The following PTCHD4 variants were observed in gnomAD, a reference collection of about 807,000 sequenced individuals.
PTCHD4 encodes patched domain containing 4.
A neutral mutation model predicts 58.1 loss-of-function variants in PTCHD4; 33 were observed. That is an observed-to-expected ratio of 0.57 (90% CI 0.43 to 0.76). The LOEUF (loss-of-function observed/expected upper bound fraction) is 0.76. Among genes scored for constraint, PTCHD4 ranks in the 30% least tolerant of loss-of-function variants. PTCHD4 has a pLI of 0.00. For missense variants in PTCHD4, 1,058 were observed against 1,027.1 expected, an observed-to-expected ratio of 1.03 and a Z score of -0.41; for synonymous variants, 478 against 409.6, an observed-to-expected ratio of 1.17 and a Z score of -2.02.
chr6:48,024,386 C>T (rs1763170600), intron 3 of PTCHD4, among the ~76,000 whole-genome samples: 1 of 152,104 alleles, frequency 6.6e-6, no homozygotes, highest in Non-Finnish European at 1.5e-5. Flanking sequence ...GTTCCACTCT[C>T]AACACGACCT....
At chr6:48,066,899 C>G (rs1764816763) in intron 3 of PTCHD4, among the ~76,000 whole-genome samples, 1 of 150,392 alleles carries the variant, frequency 6.6e-6, no homozygotes. Context: ...TTTTTTCTCT[C>G]AAAACTCCTG....
Position 47,879,488 on chromosome 6 carries a change from T to C in PTCHD4, c.1347A>G (p.Glu449=). Residue 449 remains glutamate, a synonymous_variant, in exon 5 of 5, where the codon GAA becomes GAG. Coordinates refer to ENST00000339488, the MANE Select transcript of PTCHD4 (RefSeq NM_001384253.1). ...QHHFIQHFLR[E]HYNEWITNIY... is the part of the protein sequence containing the mutation. ...TATTGGTAATCCATTCATTATAATG[T>C]TCACGGAGGAAGTGCTGAATGAAGT... 1 of 1,613,722 alleles carries C rather than the reference T, an allele frequency of 6.2e-7. No individual in the cohort carries two copies. Among genetic ancestry groups the C allele is most frequent in the Non-Finnish European group, 8.5e-7 (1 of 1,179,764 alleles).
Position 47,872,546 on chromosome 6 carries a change from C to T in PTCHD4, c.*5757G>A, listed in dbSNP as rs755016961. ...AATCACACACCATCAGTGGTGATTC[C>T]TACTCTGTTCCTAAAGTTTCTTTCT... On this transcript the variant is annotated 3_prime_UTR_variant, in exon 5 of 5. Coordinates refer to ENST00000339488, the MANE Select transcript of PTCHD4 (RefSeq NM_001384253.1). 1.5e-4 allele frequency among the ~76,000 whole-genome samples: 23 copies of T among 151,576 alleles called. No homozygotes were observed. The highest frequency in any genetic ancestry group is 3.0e-4 in the Non-Finnish European group (20 of 67,728).
intron 4 of PTCHD4, among the ~76,000 whole-genome samples, chr6:47,882,178 T>G (rs1234717418): frequency 1.3e-5 from 2 of 152,076 alleles, no homozygotes; most frequent in Non-Finnish European, 2.9e-5. Flanking sequence ...TCTTCAGAAA[T>G]GAGGACTCCT....
chr6:48,056,310 A>G (rs560220770), intron 3 of PTCHD4, among the ~76,000 whole-genome samples: 1 of 152,206 alleles, frequency 6.6e-6, no homozygotes, highest in Non-Finnish European at 1.5e-5. Flanking sequence ...CTATAGTACA[A>G]ATGTTAACAG....
rs775635685 is a variant in PTCHD4 at position 48,008,736 on chromosome 6, C to A, written c.796G>T (p.Val266Leu). The change falls in exon 4 of 5, where the codon GTG (valine) becomes TTG (leucine). Residue 266 changes from valine to leucine, a missense_variant. Physicochemically the swap from Val to Leu is conservative, Grantham distance 32. Transcript: ENST00000339488. ...ATGATGGAGATGCATACTGTGAGCA[C>A]CCCCAGGAGGCCCAGGAAGGGCTTA... ...RSKPFLGLLGVLTVCISIITA... is the reference protein window; with the variant it reads ...RSKPFLGLLGLLTVCISIITA... 6.4e-5 allele frequency: 103 copies of A among 1,613,748 alleles called. No individual in the cohort carries two copies. Among genetic ancestry groups the A allele is most frequent in the Non-Finnish European group, 7.7e-5 (91 of 1,179,874 alleles).
rs145285568 is a variant in PTCHD4, at chr6:48,100,625, C to G, written c.-970+10424G>C. Among the ~76,000 whole-genome samples the G allele has an allele frequency of 1.8e-3, 272 of 152,188 alleles. 1 individual carries two copies. Among genetic ancestry groups the G allele is most frequent in the African/African-American group, 6.0e-3 (249 of 41,546 alleles). Reference sequence around the variant, plus strand: ...AAGTAGGAGCTGCAAGAATAAGAAGCCTGAGAAAATGATGACAATAAAGAG... The same window carrying G: ...AAGTAGGAGCTGCAAGAATAAGAAGGCTGAGAAAATGATGACAATAAAGAG... On this transcript the variant is annotated intron_variant, in intron 1 of 4. Coordinates refer to ENST00000339488, the MANE Select transcript of PTCHD4 (RefSeq NM_001384253.1).
At chr6:47,887,183 A>G (rs553864737) in intron 4 of PTCHD4, among the ~76,000 whole-genome samples, 1 of 150,566 alleles carries the variant, frequency 6.6e-6, no homozygotes, top group South Asian at 2.1e-4. Context: ...TAGATTAACA[A>G]TAATAGGTAT....
intron 3 of PTCHD4, among the ~76,000 whole-genome samples, chr6:48,058,233 G>T (rs555572293): frequency 1.3e-5 from 2 of 152,354 alleles, no homozygotes; most frequent in East Asian, 3.9e-4. Flanking sequence ...TGCAGGGCTT[G>T]TTGGGCGCTA....
At chr6:47,941,553 C>T (rs1461328379) in intron 4 of PTCHD4, among the ~76,000 whole-genome samples, 2 of 151,896 alleles carry the variant, frequency 1.3e-5, no homozygotes, top group Non-Finnish European at 2.9e-5. Context: ...ATAGACCAGA[C>T]TATTAGGAGG....
intron 4 of PTCHD4, among the ~76,000 whole-genome samples, chr6:47,985,434 A>G (rs1054839662): frequency 2.0e-5 from 3 of 152,158 alleles, no homozygotes; most frequent in Non-Finnish European, 2.9e-5. Context: ...ATACATAGAC[A>G]GCAAGAAAGT....
At chr6:47,952,956 A>G (rs917597755) in intron 4 of PTCHD4, among the ~76,000 whole-genome samples, 1 of 152,120 alleles carries the variant, frequency 6.6e-6, no homozygotes, top group African/African-American at 2.4e-5. Context: ...TATATTTCAT[A>G]TACATACATG....
At chr6:48,035,009 A>G (rs925225187) in intron 3 of PTCHD4, among the ~76,000 whole-genome samples, 3 of 152,202 alleles carry the variant, frequency 2.0e-5, no homozygotes, top group African/African-American at 7.2e-5. Context: ...TAAGAGTTGA[A>G]CCATTTCATC....
chr6:47,978,640 A>G (rs1767778451), intron 4 of PTCHD4, among the ~76,000 whole-genome samples: 1 of 152,132 alleles, frequency 6.6e-6, no homozygotes, highest in South Asian at 2.1e-4. Flanking sequence ...AGCACTTTAC[A>G]TAAGTTTTCT....
At chr6:47,960,570 A>G (rs1477989011) in intron 4 of PTCHD4, among the ~76,000 whole-genome samples, 2 of 152,104 alleles carry the variant, frequency 1.3e-5, no homozygotes, top group Admixed American at 1.3e-4. Context: ...TTAATACTGA[A>G]TAAAGTAAGT....
At chr6:48,054,025 G>A (rs1034868816) in intron 3 of PTCHD4, among the ~76,000 whole-genome samples, 4 of 151,970 alleles carry the variant, frequency 2.6e-5, no homozygotes, top group Admixed American at 6.6e-5. Flanking sequence ...ATCTTTCTTC[G>A]GTTTCAGGTT....
intron 3 of PTCHD4, among the ~76,000 whole-genome samples, chr6:48,038,228 G>A (rs1256385830): frequency 6.6e-6 from 1 of 152,034 alleles, no homozygotes; most frequent in African/African-American, 2.4e-5. Context: ...ACCACCCACT[G>A]TTCTAAGAGA....
rs1763890466 is a variant in PTCHD4, at chr6:47,877,922, T to A, written c.*381A>T. ...AAGCATGAAAAGTGCCATGGCACAT[T>A]TCCCATGTCTTTCCCCCTATTTGAA... On this transcript the variant is annotated 3_prime_UTR_variant, in exon 5 of 5. Transcript: ENST00000339488. 6.1e-6 allele frequency: 1 copy of A among 163,628 alleles called. No homozygotes were observed. Among genetic ancestry groups the A allele is most frequent in the African/African-American group, 2.4e-5 (1 of 41,774 alleles). The allele number at this position is 163,628 out of a possible 1,614,324, so 10.1% of individuals were successfully genotyped here. A position where few individuals can be genotyped will look rare whatever the true frequency, so the allele number is the denominator to read the frequency against.
intron 3 of PTCHD4, among the ~76,000 whole-genome samples, chr6:48,054,912 A>G (rs1314390179): frequency 6.6e-6 from 1 of 152,170 alleles, no homozygotes; most frequent in Non-Finnish European, 1.5e-5. Context: ...TATTTTAAAA[A>G]CTACCAAGTG....
Sources: allele counts gnomAD v4.1 joint callset (sites outside exome capture counted in the v4.1 genomes callset), GRCh38; gene constraint gnomAD v4.1.1; transcripts MANE v1.5; gene names NCBI Gene and HGNC (gene_info 2026-07-23, HGNC 2026-07-21).